The following MYCT1 variants were observed in gnomAD, a reference collection of about 807,000 sequenced individuals.
The protein encoded by MYCT1 is MYC target 1.
Under a neutral mutation model 15.0 loss-of-function variants are expected in MYCT1, and 12 were observed. The observed-to-expected ratio is 0.80, with a 90% CI of 0.51 to 1.29. MYCT1 has a LOEUF of 1.29. Ranked by LOEUF, MYCT1 falls within the 50% of genes most tolerant of loss-of-function variation. MYCT1 has a pLI of 0.00. For missense variants in MYCT1, 287 were observed against 279.1 expected, an observed-to-expected ratio of 1.03 and a Z score of -0.20; for synonymous variants, 104 against 102.7, an observed-to-expected ratio of 1.01 and a Z score of -0.07.
chr6:152,706,448 A>G (rs764963988), intron 1 of MYCT1, among the ~76,000 whole-genome samples: 52 of 152,128 alleles, frequency 3.4e-4, no homozygotes, highest in Admixed American at 6.6e-4. Context: ...TTTTACTACT[A>G]TTTTCTTAAA....
At chr6:152,734,417 A>C in the MYCT1 span, among the ~76,000 whole-genome samples, 303 of 152,286 alleles carry the variant, frequency 2.0e-3, no homozygotes, top group African/African-American at 7.0e-3. Flanking sequence ...TGTGTTAAAC[A>C]CCAAAGGCAA....
intron 1 of MYCT1, among the ~76,000 whole-genome samples, chr6:152,719,459 T>A (rs1439567090): frequency 6.6e-6 from 1 of 152,224 alleles, no homozygotes; most frequent in Non-Finnish European, 1.5e-5. Flanking sequence ...GCTTGTTACT[T>A]ACCTCTCAGT....
At chr6:152,733,100 G>GT in the MYCT1 span, among the ~76,000 whole-genome samples, 7 of 151,216 alleles carry the variant, frequency 4.6e-5, no homozygotes, top group Admixed American at 1.3e-4. Flanking sequence ...TCTTTTGTTT[G>GT]TTTTTTTGTT....
chr6:152,721,370 C>T (rs192645912), intron 1 of MYCT1, among the ~76,000 whole-genome samples: 31 of 152,314 alleles, frequency 2.0e-4, no homozygotes, highest in African/African-American at 7.0e-4. Flanking sequence ...TTAGTTACTA[C>T]TATAACTCAA....
intron 1 of MYCT1, among the ~76,000 whole-genome samples, chr6:152,715,796 T>A (rs2099723544): frequency 6.6e-6 from 1 of 151,986 alleles, no homozygotes. Context: ...GGGCCCTAAG[T>A]CAGGAGCCAG....
At chr6:152,706,019 A>T (rs2244197) in intron 1 of MYCT1, 54,588 of 996,674 alleles carry the variant, frequency 0.055, 3,189 homozygotes, top group African/African-American at 0.24. Context: ...TGGCCTCTCC[A>T]TTAACTACAG....
At chr6:152,733,294 G>C in the MYCT1 span, among the ~76,000 whole-genome samples, 1 of 151,692 alleles carries the variant, frequency 6.6e-6, no homozygotes, top group Non-Finnish European at 1.5e-5. Context: ...TGTAGACATG[G>C]GGTTTTACCA....
At position 152,724,163 on chromosome 6, in the gene MYCT1, T is replaced by C. The variant is rs571582364; in HGVS notation, c.*1910T>C. The C allele has an allele frequency of 1.5e-4, 22 of 151,368 alleles. No individual in the cohort carries two copies. The highest frequency in any genetic ancestry group is 5.3e-4 in the African/African-American group (22 of 41,320). 9.4% of individuals were successfully genotyped at this position (151,368 alleles called of 1,614,324 possible). ...AACCGGATAACCAATTTGTTATAAG[T>C]TGGTTTTCAACAAAGAAATTTAGCA... is the stretch of plus-strand genomic sequence containing the variant. On this transcript the variant is annotated 3_prime_UTR_variant, in exon 2 of 2. Transcript: ENST00000367245.
the MYCT1 span, among the ~76,000 whole-genome samples, chr6:152,731,106 T>C: frequency 6.6e-6 from 1 of 152,038 alleles, no homozygotes; most frequent in Non-Finnish European, 1.5e-5. Flanking sequence ...ACAGAAGACA[T>C]CTTTTCAATC....
chr6:152,730,354 G>A, the MYCT1 span, among the ~76,000 whole-genome samples: 2 of 152,146 alleles, frequency 1.3e-5, no homozygotes, highest in African/African-American at 4.8e-5. Flanking sequence ...GGCCATTGTC[G>A]AAATGACACC....
At chr6:152,739,558 A>G in the MYCT1 span, among the ~76,000 whole-genome samples, 1 of 151,966 alleles carries the variant, frequency 6.6e-6, no homozygotes, top group Admixed American at 6.6e-5. Context: ...AGAGGTAATG[A>G]TTTATGATGG....
intron 1 of MYCT1, among the ~76,000 whole-genome samples, chr6:152,701,026 T>C (rs2099721222): frequency 6.6e-6 from 1 of 152,136 alleles, no homozygotes; most frequent in Non-Finnish European, 1.5e-5. Context: ...AGATAACATA[T>C]GATAAAATAG....
At chr6:152,701,977 C>T (rs1006551926) in intron 1 of MYCT1, among the ~76,000 whole-genome samples, 5 of 152,178 alleles carry the variant, frequency 3.3e-5, no homozygotes, top group African/African-American at 4.8e-5. Context: ...CCCTACCTCA[C>T]TTCCTTATCT....
At chr6:152,728,473 C>G (rs1014011672), downstream of MYCT1, among the ~76,000 whole-genome samples, 3 of 151,516 alleles carry the variant, frequency 2.0e-5, no homozygotes, top group African/African-American at 7.3e-5. Flanking sequence ...CTCACAGGAT[C>G]AATGGGAAAA....
chr6:152,719,020 A>G (rs2099724231), intron 1 of MYCT1, among the ~76,000 whole-genome samples: 3 of 152,186 alleles, frequency 2.0e-5, no homozygotes, highest in African/African-American at 7.2e-5. Context: ...CCAATCAATT[A>G]TTACAATAAA....
chr6:152,724,346 C>T lies in MYCT1; in HGVS notation c.*2093C>T, dbSNP rs929409714. The T allele has an allele frequency of 6.6e-6, 1 of 151,144 alleles. No individual in the cohort carries two copies. Among genetic ancestry groups the T allele is most frequent in the Non-Finnish European group, 1.5e-5 (1 of 67,932 alleles). The allele number at this position is 151,144 out of a possible 1,614,324, so 9.4% of individuals were successfully genotyped here. ...GTTGGGAGTAAAAACTGCTTTATAG[C>T]TCCCAAATTAGGAAGAGAAGAGCAG... On this transcript the variant is annotated 3_prime_UTR_variant, in exon 2 of 2. Coordinates refer to ENST00000367245, the MANE Select transcript of MYCT1 (RefSeq NM_025107.3).
downstream of MYCT1, among the ~76,000 whole-genome samples, chr6:152,727,635 T>C (rs1441180722): frequency 6.6e-6 from 1 of 152,194 alleles, no homozygotes; most frequent in Non-Finnish European, 1.5e-5. Flanking sequence ...ATGTGGTGGC[T>C]TTTGTAAGGT....
the MYCT1 span, among the ~76,000 whole-genome samples, chr6:152,738,791 A>G: frequency 2.0e-5 from 3 of 152,112 alleles, no homozygotes; most frequent in African/African-American, 7.2e-5. Flanking sequence ...TGTGTGAGAC[A>G]TTACTGTTTT....
the MYCT1 span, among the ~76,000 whole-genome samples, chr6:152,735,861 T>C: frequency 3.9e-5 from 6 of 152,164 alleles, no homozygotes; most frequent in African/African-American, 1.4e-4. Flanking sequence ...TTGAATGAAA[T>C]TGAATGTAAA....
Sources: allele counts gnomAD v4.1 joint callset (sites outside exome capture counted in the v4.1 genomes callset), GRCh38; gene constraint gnomAD v4.1.1; transcripts MANE v1.5; gene names NCBI Gene and HGNC (gene_info 2026-07-23, HGNC 2026-07-21).